Variants in HECTD4 observed in about 807,000 individuals in gnomAD.
The protein encoded by HECTD4 is probable E3 ubiquitin-protein ligase HECTD4.
In HECTD4, 114 loss-of-function variants were observed where a neutral mutation model predicts 471.5. The ratio of observed to expected loss-of-function variants is 0.24; its 90% CI spans 0.21 to 0.28. The LOEUF is 0.28. Ranked by LOEUF, HECTD4 falls within the 10% of genes least tolerant of loss-of-function variation. The pLI is 1.00. For missense variants in HECTD4, 3,866 were observed against 5,651.5 expected (o/e 0.68, Z 10.13); for synonymous variants, 2,012 against 2,256.0 (o/e 0.89, Z 3.07).
intron 48 of HECTD4, among the ~76,000 whole-genome samples, chr12:112,214,786 A>G (rs1382487212): frequency 6.6e-6 from 1 of 152,194 alleles, no homozygotes; most frequent in Non-Finnish European, 1.5e-5. Context: ...TGCTTTGTGA[A>G]GTAAGAGAAA....
chr12:112,372,733 T>A (rs1361114236), intron 1 of HECTD4, among the ~76,000 whole-genome samples: 1 of 151,898 alleles, frequency 6.6e-6, no homozygotes, highest in Non-Finnish European at 1.5e-5. Context: ...TCAGCCCACA[T>A]CCATCTTATT....
rs770600555 is a variant in HECTD4 at position 112,236,924 on chromosome 12, T to A, written c.5444+21A>T. On this transcript the variant is annotated intron_variant, in intron 35 of 75. Coordinates refer to ENST00000682272, the MANE Select transcript of HECTD4 (RefSeq NM_001388303.1). The stretch of plus-strand genomic sequence containing the variant: ...GAGGAAAGCCAGCTTCTCCCAGAGC[T>A]CCAGGCTGGACCTTGCATACCTTGA... 4 of 1,542,138 alleles carry A rather than the reference T, an allele frequency of 2.6e-6. No homozygotes were observed. The South Asian group carries it at 5.1e-5, about 20-fold the overall frequency.
intron 38 of HECTD4, 101 bp from the exon 39 acceptor site, chr12:112,231,816 A>ATT: frequency 2.1e-6 from 2 of 940,892 alleles, no homozygotes; most frequent in Non-Finnish European, 3.1e-6. Flanking sequence ...ATCCACACTC[A>ATT]TTTTTTTTTA....
At chr12:112,251,626 C>T (rs1019082702) in intron 23 of HECTD4, among the ~76,000 whole-genome samples, 13 of 152,194 alleles carry the variant, frequency 8.5e-5, no homozygotes, top group Admixed American at 3.9e-4. Context: ...CCTGCTCTCA[C>T]GGAGCTTACA....
intron 1 of HECTD4, among the ~76,000 whole-genome samples, chr12:112,360,420 A>G (rs2036428546): frequency 6.6e-6 from 1 of 152,218 alleles, no homozygotes; most frequent in Non-Finnish European, 1.5e-5. Flanking sequence ...TTATATATCA[A>G]AAGGGTTTCC....
In HECTD4 at chr12:112,241,565, G is replaced by C. The variant is rs188585730; in HGVS notation, c.4959-1538C>G. ...CAGCCTCAAGCTCCTGGCCTCAAGCGATCTTCCTGCCTCAGCTTCTCCAGT... is the reference window on the plus strand; with the variant it reads ...CAGCCTCAAGCTCCTGGCCTCAAGCCATCTTCCTGCCTCAGCTTCTCCAGT... On this transcript the variant is annotated intron_variant, in intron 32 of 75. Transcript: ENST00000682272. Among the ~76,000 whole-genome samples, 223 of 152,220 alleles carry C rather than the reference G, an allele frequency of 1.5e-3. 2 individuals carry two copies. The highest frequency in any genetic ancestry group is 5.2e-3 in the African/African-American group (217 of 41,508).
chr12:112,258,380 T>C, intron 20 of HECTD4, 116 bp downstream of exon 20: 1 of 685,740 alleles, frequency 1.5e-6, no homozygotes, highest in East Asian at 3.1e-5. Context: ...TTCTGAAGTC[T>C]TTTTCTTTTC....
chr12:112,311,429 C>T (rs935674797), intron 4 of HECTD4, among the ~76,000 whole-genome samples: 3 of 133,052 alleles, frequency 2.3e-5, no homozygotes, highest in South Asian at 2.6e-4. Context: ...GCGAGATCCC[C>T]GTCTCTACAT....
rs764160528 is a variant in HECTD4, at chr12:112,265,199, A to C, written c.2595T>G (p.Phe865Leu). ...TKCQTVSKDD[F>L]QKLLSTVPAA... ...CAGGCACAGTTGAAAGGAGCTTTTG[A>C]AAATCATCTTTAGAGACAGTTTGGC... The change falls in exon 16 of 76, where the codon TTT (phenylalanine) becomes TTG (leucine). Residue 865 changes from phenylalanine (F) to leucine (L), a missense_variant. Physicochemically the swap from Phe to Leu is conservative, Grantham distance 22. This residue lies in a region of HECTD4 where 525 missense variants were observed against 672.6 expected (regional missense o/e 0.78). Transcript: ENST00000682272. 4 of 1,604,534 alleles carry C rather than the reference A, an allele frequency of 2.5e-6. No individual in the cohort carries two copies. In the African/African-American group the frequency reaches 5.4e-5, roughly 21 times the overall value.
At chr12:112,167,764 CG>C (rs1284785588) in intron 71 of HECTD4, 49 bp downstream of exon 71, 2 of 1,499,986 alleles carry the variant, frequency 1.3e-6, no homozygotes, top group African/African-American at 2.8e-5. Flanking sequence ...CCAGCCACTG[CG>C]CAGGACATGA....
chr12:112,172,050 T>G (rs917270516), intron 67 of HECTD4, among the ~76,000 whole-genome samples: 1 of 152,168 alleles, frequency 6.6e-6, no homozygotes, highest in Non-Finnish European at 1.5e-5. Flanking sequence ...ATTACAGGCA[T>G]GCGCCACCAC....
At chr12:112,197,626 C>T (rs761306424) in intron 55 of HECTD4, among the ~76,000 whole-genome samples, 1 of 152,130 alleles carries the variant, frequency 6.6e-6, no homozygotes, top group Non-Finnish European at 1.5e-5. Context: ...CTTCCAATAC[C>T]AGGACCACCG....
chr12:112,226,552 G>A (rs2033244587), intron 44 of HECTD4, 91 bp downstream of exon 44: 3 of 742,450 alleles, frequency 4.0e-6, no homozygotes, highest in Non-Finnish European at 6.7e-6. Context: ...TGATGTGTGT[G>A]TATGAAGACA....
chr12:112,303,869 A>G (rs1323459830), intron 7 of HECTD4, among the ~76,000 whole-genome samples: 1 of 152,144 alleles, frequency 6.6e-6, no homozygotes, highest in Non-Finnish European at 1.5e-5. Flanking sequence ...AAATAAAAAA[A>G]AAAAAGAAAA....
At chr12:112,291,336 T>C (rs901257520) in intron 7 of HECTD4, among the ~76,000 whole-genome samples, 6 of 152,188 alleles carry the variant, frequency 3.9e-5, no homozygotes, top group Admixed American at 1.3e-4. Flanking sequence ...CTATAAAATA[T>C]AGATATTCTT....
At chr12:112,330,245 C>G (rs1243066006) in intron 1 of HECTD4, among the ~76,000 whole-genome samples, 1 of 150,976 alleles carries the variant, frequency 6.6e-6, no homozygotes, top group Non-Finnish European at 1.5e-5. Context: ...CCACTGCACT[C>G]CAGCCTGGGC....
chr12:112,237,713 T>C (rs529360267), intron 34 of HECTD4, among the ~76,000 whole-genome samples: 1 of 152,220 alleles, frequency 6.6e-6, no homozygotes, highest in South Asian at 2.1e-4. Flanking sequence ...GTGGCACTGA[T>C]TACACTATAA....
chr12:112,277,923 A>G (rs571922548), intron 9 of HECTD4, among the ~76,000 whole-genome samples: 5 of 152,316 alleles, frequency 3.3e-5, no homozygotes, highest in Admixed American at 1.3e-4. Context: ...AATAGTTACT[A>G]AAAGAAACAA....
chr12:112,317,062 T>C (rs1205752721), intron 2 of HECTD4, among the ~76,000 whole-genome samples: 10 of 152,366 alleles, frequency 6.6e-5, no homozygotes, highest in Non-Finnish European at 1.2e-4. Flanking sequence ...TGATAATTAT[T>C]CCTAACATCC....
Sources: gnomAD v4.1 joint callset for allele counts (sites outside exome capture counted in the v4.1 genomes callset) on GRCh38, gnomAD v4.1.1 for gene constraint, gnomAD v4.1.1 regional missense constraint, MANE v1.5 for transcripts, NCBI Gene and HGNC (gene_info 2026-07-23, HGNC 2026-07-21) for gene names.